CLTCL1: variants seen among roughly 807,000 people sequenced by gnomAD.
CLTCL1 encodes the protein clathrin heavy chain like 1, also known as clathrin heavy chain 2.
Under a neutral mutation model 190.0 loss-of-function variants are expected in CLTCL1, and 159 were observed. The observed-to-expected ratio is 0.84, with a 90% CI of 0.74 to 0.95. The LOEUF (loss-of-function observed/expected upper bound fraction) is 0.95. Ranked by LOEUF, CLTCL1 falls within the 40% of genes least tolerant of loss-of-function variation. CLTCL1 has a pLI of 0.00. For missense variants in CLTCL1, 1,878 were observed against 2,033.4 expected, an observed-to-expected ratio of 0.92 and a Z score of 1.47; for synonymous variants, 752 against 769.6, an observed-to-expected ratio of 0.98 and a Z score of 0.38.
intron 8 of CLTCL1, 27 bp downstream of exon 8, chr22:19,233,395 G>A: frequency 1.2e-6 from 2 of 1,613,234 alleles, no homozygotes; most frequent in South Asian, 2.2e-5. Context: ...CTGTGCGGGG[G>A]GGCTACGAGC....
chr22:19,233,546 A>C lies in CLTCL1; in HGVS notation c.1244T>G (p.Leu415Arg). Residue 415 changes from leucine to arginine, a missense_variant, in exon 8 of 33, where the codon CTG becomes CGG. Transcript: ENST00000427926. Reference protein sequence around the residue: ...PAQSGQASPLLQYFGILLDQG... With the variant: ...PAQSGQASPLRQYFGILLDQG... ...GTCGAGCAGGATTCCGAAGTACTGC[A>C]GCAATGGAGAAGCCTGGCCAGACTG... 1 of 1,613,968 alleles carries C rather than the reference A, an allele frequency of 6.2e-7. No individual in the cohort carries two copies. The highest frequency in any genetic ancestry group is 8.5e-7 in the Non-Finnish European group (1 of 1,179,904).
intron 1 of CLTCL1, among the ~76,000 whole-genome samples, chr22:19,288,142 T>A (rs1386634880): frequency 2.0e-5 from 3 of 152,178 alleles, no homozygotes; most frequent in Non-Finnish European, 4.4e-5. Flanking sequence ...TTAGTAGCGG[T>A]CAGTTACCAG....
chr22:19,262,896 T>A (rs1261430595), intron 2 of CLTCL1, among the ~76,000 whole-genome samples: 1 of 151,824 alleles, frequency 6.6e-6, no homozygotes, highest in East Asian at 1.9e-4. Context: ...CTGGGCGTGG[T>A]CGCACGTGCT....
rs184498560 is a variant in CLTCL1, at chr22:19,205,717, C to G, written c.3600+2437G>C. Among the ~76,000 whole-genome samples, 448 of 152,194 alleles carry G rather than the reference C, an allele frequency of 2.9e-3. 6 individuals are homozygous for G. Among genetic ancestry groups the G allele is most frequent in the African/African-American group, 0.01 (431 of 41,522 alleles). ...TATATTTCAAATATTTATGTATTAG[C>G]TGAACTGATATTTTCCTTTATGCTT... On this transcript the variant is annotated intron_variant, in intron 22 of 32. Coordinates refer to ENST00000427926, the MANE Select transcript of CLTCL1 (RefSeq NM_007098.4).
chr22:19,195,831 C>T (rs569796857), intron 26 of CLTCL1, among the ~76,000 whole-genome samples: 2 of 151,908 alleles, frequency 1.3e-5, no homozygotes, highest in Admixed American at 6.6e-5. Flanking sequence ...CAGGTAAGGC[C>T]GCTGGTGCTG....
chr22:19,252,952 T>C (rs1422908071), intron 3 of CLTCL1, among the ~76,000 whole-genome samples: 7 of 146,640 alleles, frequency 4.8e-5, no homozygotes, highest in African/African-American at 1.8e-4. Flanking sequence ...AGGCAGAGCT[T>C]GCAGTGAGCC....
chr22:19,179,912 T>G lies in CLTCL1; in HGVS notation c.*78A>C. ...AGTTGTACATTGGAGGCTGGCGAAGTTGGGAGCAGAGGCATATCCATAGGG... is the reference window on the plus strand; with the variant it reads ...AGTTGTACATTGGAGGCTGGCGAAGGTGGGAGCAGAGGCATATCCATAGGG... On this transcript the variant is annotated 3_prime_UTR_variant, in exon 33 of 33. Coordinates refer to ENST00000427926, the MANE Select transcript of CLTCL1 (RefSeq NM_007098.4). 4.3e-6 allele frequency: 2 copies of G among 462,258 alleles called. No homozygotes were observed. The highest frequency in any genetic ancestry group is 3.7e-5 in the East Asian group (1 of 27,164). 28.6% of individuals were successfully genotyped at this position (462,258 alleles called of 1,614,324 possible).
intron 4 of CLTCL1, among the ~76,000 whole-genome samples, chr22:19,242,536 C>T (rs534938643): frequency 6.6e-6 from 1 of 151,948 alleles, no homozygotes; most frequent in East Asian, 1.9e-4. Context: ...CCTCGTGATC[C>T]ACCCTCTTCG....
intron 30 of CLTCL1, 80 bp downstream of exon 30, chr22:19,183,310 A>T: frequency 7.6e-7 from 1 of 1,307,850 alleles, no homozygotes. Flanking sequence ...GCCCACCCTT[A>T]AGACCTGCGG....
intron 2 of CLTCL1, among the ~76,000 whole-genome samples, chr22:19,259,379 T>G (rs1260001953): frequency 6.6e-6 from 1 of 152,162 alleles, no homozygotes; most frequent in Non-Finnish European, 1.5e-5. Context: ...GTGCTGGGAT[T>G]ACAGGCGTTT....
intron 1 of CLTCL1, among the ~76,000 whole-genome samples, chr22:19,287,579 C>T (rs2087951622): frequency 6.6e-6 from 1 of 152,088 alleles, no homozygotes; most frequent in Non-Finnish European, 1.5e-5. Flanking sequence ...GATCATGTTG[C>T]CTGTGTGCTG....
intron 3 of CLTCL1, among the ~76,000 whole-genome samples, chr22:19,251,451 T>C (rs1305143582): frequency 1.3e-5 from 2 of 152,188 alleles, no homozygotes; most frequent in African/African-American, 4.8e-5. Context: ...TAAATCTAGA[T>C]GCCTTTTTGT....
chr22:19,195,009 C>T (rs1371555893), intron 26 of CLTCL1, among the ~76,000 whole-genome samples: 1 of 152,226 alleles, frequency 6.6e-6, no homozygotes, highest in Non-Finnish European at 1.5e-5. Context: ...TGCTGCTCTC[C>T]CACACAGTGA....
chr22:19,256,111 G>A (rs543773947), intron 2 of CLTCL1, among the ~76,000 whole-genome samples: 1 of 151,908 alleles, frequency 6.6e-6, no homozygotes, highest in Non-Finnish European at 1.5e-5. Context: ...ATTACGTACA[G>A]GTTCAATGCA....
At chr22:19,276,865 G>A (rs545550078) in intron 1 of CLTCL1, among the ~76,000 whole-genome samples, 5 of 152,136 alleles carry the variant, frequency 3.3e-5, no homozygotes, top group African/African-American at 1.2e-4. Context: ...GTAGAGACGG[G>A]GTTTCACCGT....
chr22:19,270,482 C>T (rs1194121819), intron 2 of CLTCL1, among the ~76,000 whole-genome samples: 1 of 151,104 alleles, frequency 6.6e-6, no homozygotes, highest in Non-Finnish European at 1.5e-5. Flanking sequence ...AATCCCAGCA[C>T]TTTGGGAGGC....
chr22:19,189,831 T>C (rs2084431698), intron 27 of CLTCL1, among the ~76,000 whole-genome samples: 1 of 152,266 alleles, frequency 6.6e-6, no homozygotes, highest in South Asian at 2.1e-4. Flanking sequence ...TTGATACATA[T>C]ACACATGTGG....
chr22:19,242,249 C>T (rs1187242481), intron 4 of CLTCL1, among the ~76,000 whole-genome samples: 5 of 151,758 alleles, frequency 3.3e-5, no homozygotes, highest in African/African-American at 1.2e-4. Flanking sequence ...GGCTGCCTCA[C>T]TTACCTTTAG....
Position 19,187,547 on chromosome 22 carries a change from A to G in CLTCL1, c.4605+11T>C. 1 of 1,600,148 alleles carries G rather than the reference A, an allele frequency of 6.2e-7. No individual in the cohort carries two copies. The highest frequency in any genetic ancestry group is 1.1e-5 in the South Asian group (1 of 90,840). On this transcript the variant is annotated intron_variant, in intron 29 of 32. Transcript: ENST00000427926. ...CAGGAAGGTGGGAGGAAACGGGCCC[A>G]GGCCACCAACCTTGTAGAGATGATC... is the stretch of plus-strand genomic sequence containing the variant.
Sources: gnomAD v4.1 joint callset for allele counts (sites outside exome capture counted in the v4.1 genomes callset) on GRCh38, gnomAD v4.1.1 for gene constraint, MANE v1.5 for transcripts, NCBI Gene and HGNC (gene_info 2026-07-23, HGNC 2026-07-21) for gene names.